FBXL17: variants seen among roughly 807,000 people sequenced by gnomAD.
The protein encoded by FBXL17 is F-box/LRR-repeat protein 17.
Under a neutral mutation model 66.2 loss-of-function variants are expected in FBXL17, and 22 were observed. That is an observed-to-expected ratio of 0.33 (90% confidence interval 0.24 to 0.47). FBXL17 has a LOEUF of 0.47. FBXL17 is among the 20% of genes least tolerant of loss of function. The pLI is 1.00. For missense variants in FBXL17, 878 were observed against 948.2 expected, an observed-to-expected ratio of 0.93 and a Z score of 0.97; for synonymous variants, 474 against 400.5, an observed-to-expected ratio of 1.18 and a Z score of -2.19.
chr5:107,939,866 C>T (rs949428237), intron 7 of FBXL17, among the ~76,000 whole-genome samples: 20 of 152,080 alleles, frequency 1.3e-4, no homozygotes, highest in Non-Finnish European at 2.1e-4. Context: ...CTGACCCAGA[C>T]CAGGCTAATG....
At chr5:108,358,313 G>C (rs1398147789) in intron 3 of FBXL17, among the ~76,000 whole-genome samples, 3 of 152,062 alleles carry the variant, frequency 2.0e-5, no homozygotes, top group Non-Finnish European at 4.4e-5. Flanking sequence ...CTGTGGGTTT[G>C]TCACATATGG....
intron 8 of FBXL17, among the ~76,000 whole-genome samples, chr5:107,869,266 C>A (rs570856506): frequency 2.6e-4 from 39 of 152,278 alleles, no homozygotes; most frequent in African/African-American, 8.9e-4. Flanking sequence ...TGCTTCTCTC[C>A]GCGTTTCTTG....
chr5:108,303,398 A>C (rs920743447), intron 4 of FBXL17, among the ~76,000 whole-genome samples: 4 of 107,202 alleles, frequency 3.7e-5, no homozygotes, highest in Non-Finnish European at 7.0e-5. Flanking sequence ...ACACACACAT[A>C]CCCACACACA....
At chr5:108,026,662 T>A (rs562238441) in intron 6 of FBXL17, among the ~76,000 whole-genome samples, 7 of 152,284 alleles carry the variant, frequency 4.6e-5, no homozygotes, top group African/African-American at 1.4e-4. Flanking sequence ...TTAACAACAA[T>A]TATCTCCGGA....
chr5:108,307,431 C>G (rs550850991), intron 4 of FBXL17, among the ~76,000 whole-genome samples: 1 of 151,960 alleles, frequency 6.6e-6, no homozygotes, highest in Non-Finnish European at 1.5e-5. Context: ...CTCAGCTTCC[C>G]GAGTAGTTGG....
chr5:108,024,954 G>A (rs965578014), intron 6 of FBXL17, among the ~76,000 whole-genome samples: 2 of 152,102 alleles, frequency 1.3e-5, no homozygotes, highest in African/African-American at 4.8e-5. Context: ...AAAGGTTAAT[G>A]AATTAAGCTG....
intron 6 of FBXL17, among the ~76,000 whole-genome samples, chr5:108,076,984 A>G (rs1472994967): frequency 6.6e-6 from 1 of 152,156 alleles, no homozygotes; most frequent in Non-Finnish European, 1.5e-5. Context: ...CCTTGTCTAT[A>G]TGGTTCTTTT....
chr5:107,879,826 C>T, intron 8 of FBXL17: 1 of 985,430 alleles, frequency 1.0e-6, no homozygotes, highest in Non-Finnish European at 1.2e-6. Context: ...TGGACCTTTT[C>T]CAAGGGAAGC....
intron 4 of FBXL17, among the ~76,000 whole-genome samples, chr5:108,258,359 G>T (rs920338117): frequency 2.0e-5 from 3 of 152,108 alleles, no homozygotes; most frequent in African/African-American, 7.2e-5. Flanking sequence ...AGGCCACCCA[G>T]TCTATGGTAT....
intron 5 of FBXL17, among the ~76,000 whole-genome samples, chr5:108,219,868 A>T: frequency 7.6e-6 from 1 of 130,844 alleles, no homozygotes; most frequent in Admixed American, 7.7e-5. Flanking sequence ...GGTTTCATTA[A>T]TTTCCTCTCT....
At chr5:107,975,320 TC>T in intron 7 of FBXL17, among the ~76,000 whole-genome samples, 1 of 152,306 alleles carries the variant, frequency 6.6e-6, no homozygotes, top group Admixed American at 6.5e-5. Context: ...GAAATTGACT[TC>T]TCTACAGTTA....
chr5:108,169,033 G>A (rs184659887), intron 6 of FBXL17, among the ~76,000 whole-genome samples: 46 of 152,256 alleles, frequency 3.0e-4, no homozygotes, highest in African/African-American at 8.7e-4. Flanking sequence ...AATGGAAGAC[G>A]GCCATCAAGC....
intron 5 of FBXL17, among the ~76,000 whole-genome samples, chr5:108,200,399 T>C (rs1022161772): frequency 2.6e-5 from 4 of 151,986 alleles, no homozygotes; most frequent in Non-Finnish European, 5.9e-5. Flanking sequence ...TTTCCAGCAA[T>C]TAAAAGAAAC....
chr5:108,217,558 A>C (rs1754660686), intron 5 of FBXL17, among the ~76,000 whole-genome samples: 2 of 151,972 alleles, frequency 1.3e-5, no homozygotes, highest in Non-Finnish European at 2.9e-5. Flanking sequence ...CATTGTTTCA[A>C]TATTATATTA....
rs540275565 is a variant in FBXL17 at position 108,161,260 on chromosome 5, A to G, written c.1745+24857T>C. On this transcript the variant is annotated intron_variant, in intron 6 of 8. Coordinates refer to ENST00000542267, the MANE Select transcript of FBXL17 (RefSeq NM_001163315.3). ...CACTTTGGGAGGCCCAGGTGGGCGG[A>G]CTGCCTGAGCTCAGGAGTTCGACAC... is the stretch of plus-strand genomic sequence containing the variant. Among the ~76,000 whole-genome samples the G allele has an allele frequency of 7.9e-5, 12 of 152,200 alleles. No homozygotes were observed. The East Asian group carries it at 2.3e-3, about 29-fold the overall frequency.
intron 4 of FBXL17, among the ~76,000 whole-genome samples, chr5:108,262,193 C>T (rs1367823821): frequency 4.0e-5 from 6 of 151,746 alleles, no homozygotes; most frequent in Non-Finnish European, 5.9e-5. Flanking sequence ...TCTCCTGCCT[C>T]GGCCTCCCAA....
At chr5:108,009,300 T>TAC (rs1165360330) in intron 7 of FBXL17, among the ~76,000 whole-genome samples, 9 of 63,302 alleles carry the variant, frequency 1.4e-4, no homozygotes, top group Non-Finnish European at 2.7e-4. Context: ...TATATATATA[T>TAC]ACATATATAC....
intron 7 of FBXL17, among the ~76,000 whole-genome samples, chr5:107,989,507 GA>G (rs1330092445): frequency 6.6e-6 from 1 of 152,036 alleles, no homozygotes; most frequent in African/African-American, 2.4e-5. Context: ...ATTCCATTGT[GA>G]ATATGCACCA....
At chr5:108,000,632 A>G (rs1297495144) in intron 7 of FBXL17, among the ~76,000 whole-genome samples, 1 of 152,364 alleles carries the variant, frequency 6.6e-6, no homozygotes, top group South Asian at 2.1e-4. Flanking sequence ...TAAAAACTCT[A>G]TCTTCAACTT....
Sources: gnomAD v4.1 joint callset for allele counts (sites outside exome capture counted in the v4.1 genomes callset) on GRCh38, gnomAD v4.1.1 for gene constraint, MANE v1.5 for transcripts, NCBI Gene and HGNC (gene_info 2026-07-23, HGNC 2026-07-21) for gene names.